Variants in NRG3 observed in about 807,000 individuals in gnomAD.
NRG3 encodes pro-neuregulin-3, membrane-bound isoform.
A neutral mutation model predicts 66.9 loss-of-function variants in NRG3; 31 were observed. That is an observed-to-expected ratio of 0.46 (90% confidence interval 0.35 to 0.63). The LOEUF is 0.63. Ranked by LOEUF, NRG3 falls within the 20% of genes least tolerant of loss-of-function variation. NRG3 has a pLI of 0.00. For missense variants in NRG3, 910 were observed against 878.9 expected (o/e 1.04, Z -0.45); for synonymous variants, 393 against 359.4 (o/e 1.09, Z -1.06).
chr10:82,282,414 T>G (rs920731615), intron 1 of NRG3, among the ~76,000 whole-genome samples: 15 of 152,168 alleles, frequency 9.9e-5, no homozygotes, highest in African/African-American at 3.6e-4. Flanking sequence ...TATGCTAGTG[T>G]AGACCCATCA....
At chr10:82,946,798 T>A (rs138156123) in intron 4 of NRG3, among the ~76,000 whole-genome samples, 36 of 152,274 alleles carry the variant, frequency 2.4e-4, no homozygotes, top group Non-Finnish European at 4.3e-4. Context: ...ATTAAAAGGT[T>A]TATATTGCCT....
intron 1 of NRG3, among the ~76,000 whole-genome samples, chr10:81,914,969 CTATT>C (rs1177206795): frequency 1.3e-5 from 2 of 152,012 alleles, no homozygotes; most frequent in Admixed American, 1.3e-4. Context: ...ATACTAGCTG[CTATT>C]TATTTAAGTT....
At chr10:82,184,336 A>G (rs1338636537) in intron 1 of NRG3, among the ~76,000 whole-genome samples, 1 of 152,122 alleles carries the variant, frequency 6.6e-6, no homozygotes, top group South Asian at 2.1e-4. Flanking sequence ...CCTTCCATCT[A>G]CTTACATTCC....
intron 2 of NRG3, among the ~76,000 whole-genome samples, chr10:82,705,810 G>A (rs1486823112): frequency 2.0e-5 from 3 of 152,142 alleles, no homozygotes; most frequent in Admixed American, 1.3e-4. Flanking sequence ...GCCTGACAGG[G>A]TCTGAAGCTT....
At position 82,423,182 on chromosome 10, in the gene NRG3, T is replaced by C. The variant is rs192464830; in HGVS notation, c.953+64314T>C. ...CTGATGTCTAAAACAAATTGAAACTTAGTTTCAATGTAGCATTGTATTTAA... is the reference window on the plus strand; with the variant it reads ...CTGATGTCTAAAACAAATTGAAACTCAGTTTCAATGTAGCATTGTATTTAA... On this transcript the variant is annotated intron_variant, in intron 2 of 8. Coordinates refer to ENST00000372141, the MANE Select transcript of NRG3 (RefSeq NM_001010848.4). Among the ~76,000 whole-genome samples the C allele has an allele frequency of 4.9e-4, 75 of 152,084 alleles. 1 individual carries two copies. In the East Asian group the frequency reaches 0.012, roughly 25 times the overall value.
intron 2 of NRG3, among the ~76,000 whole-genome samples, chr10:82,629,036 A>T (rs2049624298): frequency 6.6e-6 from 1 of 152,192 alleles, no homozygotes. Context: ...TTCAAATGTT[A>T]AGTGAGCATA....
At chr10:82,044,708 T>G (rs2063195770) in intron 1 of NRG3, among the ~76,000 whole-genome samples, 1 of 152,142 alleles carries the variant, frequency 6.6e-6, no homozygotes, top group African/African-American at 2.4e-5. Flanking sequence ...GTATATCTCC[T>G]AATGCTATCC....
At position 82,254,654 on chromosome 10, in the gene NRG3, T is replaced by TACAC. The variant is rs147171906; in HGVS notation, c.824-104067_824-104064dup. On this transcript the variant is annotated intron_variant, in intron 1 of 8. Transcript: ENST00000372141. Reference sequence around the variant, plus strand: ...AAGGAAGTGCTAAAAACAAAACAAATACACACACACACACACACACAAAAC... The same window carrying TACAC: ...AAGGAAGTGCTAAAAACAAAACAAATACACACACACACACACACACACACAAAAC... 2.8e-3 allele frequency among the ~76,000 whole-genome samples: 416 copies of TACAC among 148,998 alleles called. 1 individual carries two copies. The highest frequency in any genetic ancestry group is 3.8e-3 in the Non-Finnish European group (258 of 67,102).
At chr10:82,332,591 C>G (rs1308366005) in intron 1 of NRG3, among the ~76,000 whole-genome samples, 1 of 152,102 alleles carries the variant, frequency 6.6e-6, no homozygotes, top group East Asian at 1.9e-4. Context: ...CATGGCAGCC[C>G]TATGGTTAGA....
chr10:82,960,156 T>A (rs535341116), intron 6 of NRG3, among the ~76,000 whole-genome samples: 2 of 152,382 alleles, frequency 1.3e-5, no homozygotes, highest in Non-Finnish European at 2.9e-5. Flanking sequence ...TGTACTCAGA[T>A]GATTTAATGC....
At chr10:82,802,652 T>A (rs553957312) in intron 3 of NRG3, among the ~76,000 whole-genome samples, 2 of 152,136 alleles carry the variant, frequency 1.3e-5, no homozygotes, top group South Asian at 2.1e-4. Context: ...CCTTTATTTT[T>A]ATTTTTTTTA....
At chr10:82,243,696 C>A (rs1364009153) in intron 1 of NRG3, among the ~76,000 whole-genome samples, 1 of 152,140 alleles carries the variant, frequency 6.6e-6, no homozygotes, top group African/African-American at 2.4e-5. Context: ...TAAGTTACTC[C>A]AACTTTCCCA....
chr10:82,238,828 T>C (rs538084040), intron 1 of NRG3, among the ~76,000 whole-genome samples: 6 of 144,666 alleles, frequency 4.1e-5, no homozygotes, highest in Non-Finnish European at 7.8e-5. Context: ...ACCTGTTTTC[T>C]TCTAACCTTC....
At chr10:82,173,758 C>CT (rs1190486829) in intron 1 of NRG3, among the ~76,000 whole-genome samples, 3 of 151,728 alleles carry the variant, frequency 2.0e-5, no homozygotes, top group Non-Finnish European at 4.4e-5. Context: ...AAGATCAACA[C>CT]TTACGTACAC....
chr10:82,781,344 A>G (rs111354624), intron 3 of NRG3, among the ~76,000 whole-genome samples: 5,369 of 152,164 alleles, frequency 0.035, 335 homozygotes, highest in African/African-American at 0.12. Context: ...TATTCAGTTA[A>G]TTCCCATCAC....
chr10:82,314,632 C>A (rs2081200104), intron 1 of NRG3, among the ~76,000 whole-genome samples: 1 of 151,640 alleles, frequency 6.6e-6, no homozygotes, highest in Non-Finnish European at 1.5e-5. Flanking sequence ...CATGGTGAAA[C>A]CCCGTCTCTA....
chr10:81,956,975 A>T (rs567146048), intron 1 of NRG3, among the ~76,000 whole-genome samples: 1 of 152,318 alleles, frequency 6.6e-6, no homozygotes, highest in East Asian at 1.9e-4. Flanking sequence ...AGCAGAATAC[A>T]TGCCTGTCTT....
At chr10:82,879,633 C>T (rs977802719) in intron 4 of NRG3, among the ~76,000 whole-genome samples, 1 of 152,024 alleles carries the variant, frequency 6.6e-6, no homozygotes, top group African/African-American at 2.4e-5. Context: ...CCACCACACC[C>T]GGCTAATTTT....
intron 2 of NRG3, among the ~76,000 whole-genome samples, chr10:82,462,124 T>G (rs962225689): frequency 3.9e-5 from 6 of 151,964 alleles, no homozygotes; most frequent in African/African-American, 1.5e-4. Flanking sequence ...AGAGTGAAAC[T>G]CCATCTCAAA....
Sources: gnomAD v4.1 joint callset for allele counts (sites outside exome capture counted in the v4.1 genomes callset) on GRCh38, gnomAD v4.1.1 for gene constraint, MANE v1.5 for transcripts, NCBI Gene and HGNC (gene_info 2026-07-23, HGNC 2026-07-21) for gene names.